Variants in WDR70 observed in about 807,000 individuals in gnomAD.
The protein encoded by WDR70 is WD repeat-containing protein 70.
WDR70 carries 53 observed loss-of-function variants against 88.6 expected under a neutral mutation model. The ratio of observed to expected loss-of-function variants is 0.60; its 90% CI spans 0.48 to 0.75. The LOEUF is 0.75. Among genes scored for constraint, WDR70 ranks in the 30% least tolerant of loss-of-function variants. The probability of loss-of-function intolerance (pLI) is 0.00; values close to 1 mark genes in which losing one functional copy is unlikely to be tolerated. For missense variants in WDR70, 610 were observed against 823.2 expected (o/e 0.74, Z 3.17); for synonymous variants, 280 against 270.0 (o/e 1.04, Z -0.36).
intron 7 of WDR70, among the ~76,000 whole-genome samples, chr5:37,474,995 C>T (rs1010854367): frequency 2.0e-5 from 3 of 150,360 alleles, no homozygotes; most frequent in Non-Finnish European, 3.0e-5. Flanking sequence ...CTCAGCTCAC[C>T]GCAATCTGCA....
chr5:37,516,727 T>TA (rs1561883720), intron 9 of WDR70, 137 bp downstream of exon 9: 80 of 138,844 alleles, frequency 5.8e-4, no homozygotes, highest in African/African-American at 2.1e-3. Context: ...ATATATATAT[T>TA]TTTTTTTTTT....
chr5:37,514,613 G>A (rs184243063), intron 8 of WDR70, among the ~76,000 whole-genome samples: 9 of 151,618 alleles, frequency 5.9e-5, no homozygotes, highest in East Asian at 5.8e-4. Context: ...TGTTCTTATC[G>A]TTCAGCTCCC....
At chr5:37,670,175 G>A (rs1461889519) in intron 10 of WDR70, among the ~76,000 whole-genome samples, 1 of 152,044 alleles carries the variant, frequency 6.6e-6, no homozygotes, top group East Asian at 1.9e-4. Flanking sequence ...TGCATGGTAT[G>A]TGAATTGTGT....
At chr5:37,519,219 A>G (rs1191202018) in intron 9 of WDR70, among the ~76,000 whole-genome samples, 5 of 152,092 alleles carry the variant, frequency 3.3e-5, no homozygotes, top group Admixed American at 3.3e-4. Flanking sequence ...GCTGTTGGGT[A>G]CACCTCCCAG....
At chr5:37,653,152 G>C (rs1335203834) in intron 10 of WDR70, among the ~76,000 whole-genome samples, 3 of 152,104 alleles carry the variant, frequency 2.0e-5, no homozygotes, top group African/African-American at 7.2e-5. Flanking sequence ...AGCATGAAAG[G>C]GTGTTGAATT....
chr5:37,743,275 A>G (rs141832175), intron 17 of WDR70, among the ~76,000 whole-genome samples: 115 of 152,356 alleles, frequency 7.5e-4, no homozygotes, highest in African/African-American at 2.7e-3. Context: ...TGCTTTTCCC[A>G]TGGAACTGTG....
At chr5:37,577,728 G>C (rs1176675240) in intron 9 of WDR70, among the ~76,000 whole-genome samples, 1 of 152,132 alleles carries the variant, frequency 6.6e-6, no homozygotes, top group Non-Finnish European at 1.5e-5. Context: ...CTCTCCCCAA[G>C]TGATACAGGG....
At chr5:37,740,654 C>CCA in intron 17 of WDR70, among the ~76,000 whole-genome samples, 1 of 152,272 alleles carries the variant, frequency 6.6e-6, no homozygotes, top group Middle Eastern at 3.4e-3. Context: ...AAATCAAAGA[C>CCA]CACTCCTTTA....
chr5:37,540,435 G>A (rs1377155527), intron 9 of WDR70, among the ~76,000 whole-genome samples: 1 of 152,162 alleles, frequency 6.6e-6, no homozygotes, highest in East Asian at 1.9e-4. Context: ...AGGCTGGAGT[G>A]CAGTGGCACA....
chr5:37,451,118 G>A (rs557836818), intron 7 of WDR70, among the ~76,000 whole-genome samples: 1 of 152,042 alleles, frequency 6.6e-6, no homozygotes, highest in South Asian at 2.1e-4. Context: ...GGCTGGTCTC[G>A]AACTCCCGAC....
intron 10 of WDR70, among the ~76,000 whole-genome samples, chr5:37,618,576 G>A (rs1744412971): frequency 6.6e-6 from 1 of 152,080 alleles, no homozygotes; most frequent in African/African-American, 2.4e-5. Context: ...CATCATGTTG[G>A]CCAGGCTGGT....
At chr5:37,713,028 TG>T (rs1747559183) in intron 13 of WDR70, among the ~76,000 whole-genome samples, 2 of 152,340 alleles carry the variant, frequency 1.3e-5, no homozygotes, top group East Asian at 1.9e-4. Context: ...ATAAATTTTT[TG>T]TAACTAGCAG....
intron 7 of WDR70, among the ~76,000 whole-genome samples, chr5:37,455,505 G>A (rs986465146): frequency 1.1e-4 from 16 of 151,936 alleles, no homozygotes; most frequent in Non-Finnish European, 4.4e-5. Flanking sequence ...GCCTCCCAAA[G>A]TGTTGAGATT....
Position 37,516,496 on chromosome 5 carries a change from T to G in WDR70, c.841-18T>G. 1 of 1,527,222 alleles carries G rather than the reference T, an allele frequency of 6.5e-7. No individual in the cohort carries two copies. The allele number at this position is 1,527,222 out of a possible 1,614,324, so 94.6% of individuals were successfully genotyped here. On this transcript the variant is annotated intron_variant, in intron 8 of 17. Coordinates refer to ENST00000265107, the MANE Select transcript of WDR70 (RefSeq NM_018034.4). ...CTTTTTAAAACATCTTTTTTTCCCC[T>G]TTGTCTTTATTTTTAAGGGTCATAC...
intron 10 of WDR70, among the ~76,000 whole-genome samples, chr5:37,693,653 C>A (rs867287223): frequency 1.9e-4 from 29 of 152,214 alleles, no homozygotes; most frequent in African/African-American, 3.9e-4. Context: ...GGCTAGCCAT[C>A]TGTAGAAAGC....
intron 8 of WDR70, among the ~76,000 whole-genome samples, chr5:37,489,952 C>T (rs1043482480): frequency 6.6e-6 from 1 of 152,108 alleles, no homozygotes; most frequent in Admixed American, 6.6e-5. Flanking sequence ...CCCTTCCCCC[C>T]AGTGTCAGGC....
chr5:37,382,102 T>G (rs10074545), intron 3 of WDR70, among the ~76,000 whole-genome samples: 122,763 of 137,954 alleles, frequency 0.89, 54,818 homozygotes, highest in Non-Finnish European at 0.99. Context: ...ATCACTGTTG[T>G]TTTTTTTTTT....
intron 17 of WDR70, among the ~76,000 whole-genome samples, chr5:37,743,207 C>A (rs901476256): frequency 2.0e-5 from 3 of 152,192 alleles, no homozygotes; most frequent in Non-Finnish European, 4.4e-5. Flanking sequence ...GGAAGGGGAA[C>A]CCCCCTCCCC....
intron 13 of WDR70, among the ~76,000 whole-genome samples, chr5:37,718,222 T>C (rs1453494958): frequency 6.6e-6 from 1 of 152,182 alleles, no homozygotes; most frequent in Non-Finnish European, 1.5e-5. Flanking sequence ...GTCCTTGGAC[T>C]CCCTGGAAAG....
Sources: gnomAD v4.1 joint callset for allele counts (sites outside exome capture counted in the v4.1 genomes callset) on GRCh38, gnomAD v4.1.1 for gene constraint, MANE v1.5 for transcripts, NCBI Gene and HGNC (gene_info 2026-07-23, HGNC 2026-07-21) for gene names.